PEBP4: variants seen among roughly 807,000 people sequenced by gnomAD.
PEBP4 encodes phosphatidylethanolamine binding protein 4.
In PEBP4, 22 loss-of-function variants were observed where a neutral mutation model predicts 23.9. The observed-to-expected ratio is 0.92, with a 90% CI of 0.66 to 1.31. PEBP4 has a LOEUF of 1.31. Ranked by LOEUF, PEBP4 falls within the 40% of genes most tolerant of loss-of-function variation. The pLI is 0.00. For missense variants in PEBP4, 324 were observed against 281.7 expected, an observed-to-expected ratio of 1.15 and a Z score of -1.07; for synonymous variants, 112 against 99.3, an observed-to-expected ratio of 1.13 and a Z score of -0.76.
chr8:22,768,851 G>C (rs1563210365), intron 4 of PEBP4, among the ~76,000 whole-genome samples: 1 of 152,156 alleles, frequency 6.6e-6, no homozygotes, highest in Non-Finnish European at 1.5e-5. Flanking sequence ...GAGGCAGAAG[G>C]TTCTAGAGGC....
chr8:22,763,732 C>T (rs1037438652), intron 4 of PEBP4, among the ~76,000 whole-genome samples: 1 of 152,166 alleles, frequency 6.6e-6, no homozygotes, highest in East Asian at 1.9e-4. Flanking sequence ...GCTCTTTCTC[C>T]CCCAAACAAC....
intron 3 of PEBP4, among the ~76,000 whole-genome samples, chr8:22,855,043 CAT>C (rs1244304408): frequency 0.019 from 68 of 3,538 alleles, 3 homozygotes; most frequent in East Asian, 0.05. Flanking sequence ...CACACACACA[CAT>C]GCACCCCAGG....
Position 22,736,642 on chromosome 8 carries a change from G to A in PEBP4, c.358-9422C>T, listed in dbSNP as rs1341119918. Among the ~76,000 whole-genome samples, 4 of 152,274 alleles carry A rather than the reference G, an allele frequency of 2.6e-5. No homozygotes were observed. In the East Asian group the frequency reaches 5.8e-4, roughly 22 times the overall value. Reference sequence around the variant, plus strand: ...AGTAGGCAGAAATATTAAGTTGAAAGCAAATATCAGGAGTTTGTTGCTAAA... The same window carrying A: ...AGTAGGCAGAAATATTAAGTTGAAAACAAATATCAGGAGTTTGTTGCTAAA... On this transcript the variant is annotated intron_variant, in intron 4 of 6. Transcript: ENST00000256404.
chr8:22,866,768 T>A (rs150839196), intron 3 of PEBP4, among the ~76,000 whole-genome samples: 53 of 152,242 alleles, frequency 3.5e-4, no homozygotes, highest in South Asian at 8.3e-4. Context: ...CTTTTTTTTT[T>A]ATAAGCGCCA....
intron 4 of PEBP4, among the ~76,000 whole-genome samples, chr8:22,794,504 C>T (rs142486521): frequency 6.6e-5 from 10 of 152,322 alleles, no homozygotes; most frequent in South Asian, 6.2e-4. Context: ...ACCCTGGTCT[C>T]GAATTCCTGG....
chr8:22,911,888 T>C (rs972918104), intron 3 of PEBP4, among the ~76,000 whole-genome samples: 1 of 152,050 alleles, frequency 6.6e-6, no homozygotes. Context: ...AAAGAAACAG[T>C]ATTTGATCTG....
At chr8:22,723,135 A>G (rs539221599) in intron 6 of PEBP4, among the ~76,000 whole-genome samples, 5 of 152,056 alleles carry the variant, frequency 3.3e-5, no homozygotes, top group African/African-American at 1.2e-4. Flanking sequence ...TAAGTTCCCC[A>G]TGGACAAAAG....
rs1192957695 is a variant in PEBP4 at position 22,775,674 on chromosome 8, C to G, written c.357+41963G>C. On this transcript the variant is annotated intron_variant, in intron 4 of 6. Coordinates refer to ENST00000256404, the MANE Select transcript of PEBP4 (RefSeq NM_144962.3). This position sits in a 1 kb window ranked among gnomAD's most constrained non-coding sequence, Gnocchi z 4.8. ...CGGAGGCAGCGTCTCTGCGGCATACCAGCAAACCAGAAATTAGCTCCGTTC... is the reference window on the plus strand; with the variant it reads ...CGGAGGCAGCGTCTCTGCGGCATACGAGCAAACCAGAAATTAGCTCCGTTC... 6.6e-6 allele frequency among the ~76,000 whole-genome samples: 1 copy of G among 152,134 alleles called. No homozygotes were observed. Among genetic ancestry groups the G allele is most frequent in the Non-Finnish European group, 1.5e-5 (1 of 68,016 alleles).
chr8:22,799,464 G>A (rs984824601), intron 4 of PEBP4, among the ~76,000 whole-genome samples: 1 of 152,232 alleles, frequency 6.6e-6, no homozygotes, highest in Non-Finnish European at 1.5e-5. Context: ...TGAGTGGATT[G>A]GGAGAACTTT....
intron 3 of PEBP4, among the ~76,000 whole-genome samples, chr8:22,899,010 T>C (rs1446284928): frequency 1.3e-5 from 2 of 152,200 alleles, no homozygotes; most frequent in Non-Finnish European, 2.9e-5. Context: ...CTAAAGTCCA[T>C]TGTCCCAGAC....
chr8:22,932,811 C>T (rs1486788145), upstream of PEBP4, among the ~76,000 whole-genome samples: 1 of 152,086 alleles, frequency 6.6e-6, no homozygotes, highest in Non-Finnish European at 1.5e-5. Flanking sequence ...TCAAGACCAG[C>T]CTGTCCAACA....
intron 3 of PEBP4, among the ~76,000 whole-genome samples, chr8:22,824,095 A>G (rs1806917656): frequency 6.6e-6 from 1 of 152,236 alleles, no homozygotes; most frequent in South Asian, 2.1e-4. Flanking sequence ...ACACATGTAC[A>G]TGACTCTATG....
rs1264154900 is a variant in PEBP4 at position 22,898,406 on chromosome 8, A to C, written c.258+21778T>G. On this transcript the variant is annotated intron_variant, in intron 3 of 6. Transcript: ENST00000256404. ...GACTCCACCCCAAAAAAAAAAAAAA[A>C]AAAAAAAAAAAAAAAAAAAAAAAAA... 1.3e-3 allele frequency among the ~76,000 whole-genome samples: 192 copies of C among 142,594 alleles called. 2 individuals are homozygous for C. The highest frequency in any genetic ancestry group is 4.3e-3 in the South Asian group (18 of 4,234). The allele number at this position is 142,594 out of a possible 152,430, so 93.5% of individuals were successfully genotyped here.
At chr8:22,834,414 G>T (rs930333516) in intron 3 of PEBP4, among the ~76,000 whole-genome samples, 1 of 152,186 alleles carries the variant, frequency 6.6e-6, no homozygotes, top group African/African-American at 2.4e-5. Context: ...AGCCAGGCTG[G>T]TGTCCACTGC....
intron 4 of PEBP4, among the ~76,000 whole-genome samples, chr8:22,753,362 C>T (rs760456013): frequency 6.6e-6 from 1 of 152,266 alleles, no homozygotes; most frequent in East Asian, 1.9e-4. Flanking sequence ...CTTCCAGCAT[C>T]GAAACTGGGG....
intron 6 of PEBP4, among the ~76,000 whole-genome samples, chr8:22,720,898 G>A (rs1017124654): frequency 6.6e-6 from 1 of 152,202 alleles, no homozygotes; most frequent in African/African-American, 2.4e-5. Context: ...CCAAAACAGC[G>A]CCAAGTATAC....
intron 4 of PEBP4, among the ~76,000 whole-genome samples, chr8:22,783,213 T>A (rs1489102537): frequency 6.6e-6 from 1 of 152,242 alleles, no homozygotes; most frequent in Non-Finnish European, 1.5e-5. Flanking sequence ...TATATTTAGA[T>A]CCTTTCTCAG....
chr8:22,819,827 C>T (rs1434618026), intron 3 of PEBP4, among the ~76,000 whole-genome samples: 1 of 152,070 alleles, frequency 6.6e-6, no homozygotes, highest in African/African-American at 2.4e-5. Context: ...AGGATGGTCT[C>T]GATCTCCTGA....
chr8:22,725,728 G>A (rs968568025), intron 5 of PEBP4, among the ~76,000 whole-genome samples: 3 of 152,112 alleles, frequency 2.0e-5, no homozygotes, highest in Non-Finnish European at 2.9e-5. Flanking sequence ...TTCCAAGGAG[G>A]AGAGCCAGGC....
Sources: gnomAD v4.1 joint callset for allele counts (sites outside exome capture counted in the v4.1 genomes callset) on GRCh38, gnomAD v4.1.1 for gene constraint, Gnocchi (gnomAD v3.1) non-coding constraint, MANE v1.5 for transcripts, NCBI Gene and HGNC (gene_info 2026-07-23, HGNC 2026-07-21) for gene names.